Variants in KIF13A observed in about 807,000 individuals in gnomAD.
KIF13A encodes the protein kinesin-like protein KIF13A.
Under a neutral mutation model 212.2 loss-of-function variants are expected in KIF13A, and 79 were observed. That is an observed-to-expected ratio of 0.37 (90% CI 0.31 to 0.45). The LOEUF (loss-of-function observed/expected upper bound fraction) is 0.45, where lower values mean the gene tolerates loss of function less well. Ranked by LOEUF, KIF13A falls within the 20% of genes least tolerant of loss-of-function variation. KIF13A has a pLI of 1.00. For missense variants in KIF13A, 1,901 were observed against 2,209.0 expected (o/e 0.86, Z 2.79); for synonymous variants, 789 against 808.6 (o/e 0.98, Z 0.41).
Position 17,776,364 on chromosome 6 carries a change from ACAAACACTGATCTATGTATCATTT to A in KIF13A, c.4170+889_4170+912del, listed in dbSNP as rs1461772660. Among the ~76,000 whole-genome samples the A allele has an allele frequency of 6.6e-6, 1 of 152,222 alleles. No individual in the cohort carries two copies. Among genetic ancestry groups the A allele is most frequent in the Non-Finnish European group, 1.5e-5 (1 of 68,032 alleles). On this transcript the variant is annotated intron_variant, in intron 34 of 38. Coordinates refer to ENST00000259711, the MANE Select transcript of KIF13A (RefSeq NM_022113.6). This position sits in a 1 kb window ranked among gnomAD's most constrained non-coding sequence, Gnocchi z 4.6. ...CTAGGTACCACTTTAGCTGCATTGC[ACAAACACTGATCTATGTATCATTT>A]TTATTCTCATTTAGTTCTAAATACA...
At position 17,786,417 on chromosome 6, in the gene KIF13A, G is replaced by C. The variant is rs555228580; in HGVS notation, c.3362-776C>G. ...AGTTCAAAACCAGCCTGACCAATAT[G>C]GTAAAACCCTGTCTCCACTAAAAAT... On this transcript the variant is annotated intron_variant, in intron 27 of 38. Coordinates refer to ENST00000259711, the MANE Select transcript of KIF13A (RefSeq NM_022113.6). This position sits in a 1 kb window ranked among gnomAD's most constrained non-coding sequence, Gnocchi z 5.4. Among the ~76,000 whole-genome samples the C allele has an allele frequency of 2.8e-4, 42 of 152,106 alleles. No individual in the cohort carries two copies. Among genetic ancestry groups the C allele is most frequent in the African/African-American group, 8.4e-4 (35 of 41,500 alleles).
chr6:17,971,470 G>A lies in KIF13A; in HGVS notation c.146+15584C>T, dbSNP rs543964910. Among the ~76,000 whole-genome samples, 1 of 152,066 alleles carries A rather than the reference G, an allele frequency of 6.6e-6. No individual in the cohort carries two copies. Among genetic ancestry groups the A allele is most frequent in the East Asian group, 1.9e-4 (1 of 5,182 alleles). On this transcript the variant is annotated intron_variant, in intron 2 of 38. Coordinates refer to ENST00000259711, the MANE Select transcript of KIF13A (RefSeq NM_022113.6). This position sits in a 1 kb window ranked among gnomAD's most constrained non-coding sequence, Gnocchi z 4.2. ...AGGGTCTCACTCTGTCGCCCAGGCT[G>A]GAGTGCAGTGGTGTAATCATGGCTC...
At chr6:17,909,009 T>C (rs185203793) in intron 2 of KIF13A, among the ~76,000 whole-genome samples, 165 of 152,330 alleles carry the variant, frequency 1.1e-3, no homozygotes, top group Admixed American at 2.0e-3. Context: ...AGCACTCCTT[T>C]AGCACTGTTG....
At position 17,900,795 on chromosome 6, in the gene KIF13A, G is replaced by C. The variant is rs1239340827; in HGVS notation, c.147-2615C>G. On this transcript the variant is annotated intron_variant, in intron 2 of 38. Transcript: ENST00000259711. The surrounding 1 kb of genome is among the most constrained non-coding windows in gnomAD (Gnocchi z 4.6). ...CGAACAAAACTGAGAGCTCAGTCCA[G>C]GGGCCAGGCACAGTGGCTCACACCT... Among the ~76,000 whole-genome samples, 1 of 152,074 alleles carries C rather than the reference G, an allele frequency of 6.6e-6. No homozygotes were observed. The highest frequency in any genetic ancestry group is 1.5e-5 in the Non-Finnish European group (1 of 68,008).
intron 2 of KIF13A, among the ~76,000 whole-genome samples, chr6:17,905,272 CAAGTATT>C (rs1773397095): frequency 6.6e-6 from 1 of 152,186 alleles, no homozygotes; most frequent in African/African-American, 2.4e-5. Flanking sequence ...TCCTAATCAG[CAAGTATT>C]TATTGAGTAC....
rs1307049245 is a variant in KIF13A, at chr6:17,941,213, T to A, written c.147-43033A>T. Among the ~76,000 whole-genome samples the A allele has an allele frequency of 2.0e-5, 3 of 152,196 alleles. No homozygotes were observed. The East Asian group carries it at 5.8e-4, about 29-fold the overall frequency. On this transcript the variant is annotated intron_variant, in intron 2 of 38. Transcript: ENST00000259711. ...CTGCTACCCAAATATATTACCCTCC[T>A]AAAACCCACTAAGAAGCTGCTGTCA...
At chr6:17,846,746 C>T (rs1767107900) in intron 9 of KIF13A, among the ~76,000 whole-genome samples, 1 of 152,020 alleles carries the variant, frequency 6.6e-6, no homozygotes, top group African/African-American at 2.4e-5. Flanking sequence ...TGGGGTAATC[C>T]AGTAAGGGAC....
intron 18 of KIF13A, among the ~76,000 whole-genome samples, chr6:17,808,473 A>C (rs916117747): frequency 6.6e-6 from 1 of 152,000 alleles, no homozygotes; most frequent in African/African-American, 2.4e-5. Flanking sequence ...ATTTACATGC[A>C]AAAAAAAGCA....
rs1024528832 is a variant in KIF13A at position 17,968,912 on chromosome 6, C to T, written c.146+18142G>A. 6.6e-6 allele frequency among the ~76,000 whole-genome samples: 1 copy of T among 152,210 alleles called. No individual in the cohort carries two copies. The highest frequency in any genetic ancestry group is 1.5e-5 in the Non-Finnish European group (1 of 68,038). Reference sequence around the variant, plus strand: ...AGACACAACCTGAGGACTTTCTACCCACAGACTCATCTACCTAGGCACAGC... The same window carrying T: ...AGACACAACCTGAGGACTTTCTACCTACAGACTCATCTACCTAGGCACAGC... On this transcript the variant is annotated intron_variant, in intron 2 of 38. Coordinates refer to ENST00000259711, the MANE Select transcript of KIF13A (RefSeq NM_022113.6). This position sits in a 1 kb window ranked among gnomAD's most constrained non-coding sequence, Gnocchi z 4.7.
intron 4 of KIF13A, among the ~76,000 whole-genome samples, chr6:17,864,945 C>A (rs913713290): frequency 9.2e-5 from 14 of 152,050 alleles, no homozygotes; most frequent in African/African-American, 3.4e-4. Context: ...AAGAAAGAAA[C>A]CAGGGATGGA....
At chr6:17,937,893 C>G (rs1036014257) in intron 2 of KIF13A, among the ~76,000 whole-genome samples, 1 of 152,108 alleles carries the variant, frequency 6.6e-6, no homozygotes, top group African/African-American at 2.4e-5. Context: ...GGGCCACAGG[C>G]GTGCAACACC....
chr6:17,810,617 A>G (rs1227712398), intron 17 of KIF13A, among the ~76,000 whole-genome samples: 1 of 152,210 alleles, frequency 6.6e-6, no homozygotes, highest in African/African-American at 2.4e-5. Context: ...TGTAATAGAC[A>G]ATGAAATAAT....
intron 2 of KIF13A, among the ~76,000 whole-genome samples, chr6:17,973,167 C>A (rs1242890445): frequency 6.6e-6 from 1 of 152,242 alleles, no homozygotes; most frequent in Non-Finnish European, 1.5e-5. Context: ...AATGTCATTT[C>A]TCCACTCCCA....
Position 17,796,636 on chromosome 6 carries a change from C to T in KIF13A, c.2942+33G>A, listed in dbSNP as rs1293267166. ...GACTCTGCTCAAGTCCTAGTCTTAA[C>T]CTTGTACCTAAAGCTCACAGCCAAG... On this transcript the variant is annotated intron_variant, in intron 23 of 38. Coordinates refer to ENST00000259711, the MANE Select transcript of KIF13A (RefSeq NM_022113.6). The T allele has an allele frequency of 3.5e-6, 5 of 1,415,160 alleles. 1 individual carries two copies. Among genetic ancestry groups the T allele is most frequent in the African/African-American group, 2.9e-5 (2 of 68,308 alleles). 87.7% of individuals were successfully genotyped at this position (1,415,160 alleles called of 1,614,324 possible).
At chr6:17,833,930 C>T (rs1279617817) in intron 12 of KIF13A, 31 bp downstream of exon 12, 1 of 1,157,030 alleles carries the variant, frequency 8.6e-7, no homozygotes, top group Non-Finnish European at 1.2e-6. Flanking sequence ...AAAAAGAATC[C>T]CAATATTTTA....
intron 2 of KIF13A, among the ~76,000 whole-genome samples, chr6:17,945,830 A>G (rs1172251423): frequency 2.0e-5 from 3 of 152,188 alleles, no homozygotes; most frequent in African/African-American, 7.2e-5. Flanking sequence ...CCTCAGAGAC[A>G]GACAAACAGA....
rs1781332842 is a variant in KIF13A, at chr6:17,984,021, C to A, written c.146+3033G>T. ...CACAGCCCCTCCTCAATGCTCCCATCACATTTGCTAAGCCCTTGCTAAGTG... is the reference window on the plus strand; with the variant it reads ...CACAGCCCCTCCTCAATGCTCCCATAACATTTGCTAAGCCCTTGCTAAGTG... On this transcript the variant is annotated intron_variant, in intron 2 of 38. Coordinates refer to ENST00000259711, the MANE Select transcript of KIF13A (RefSeq NM_022113.6). The surrounding 1 kb of genome is among the most constrained non-coding windows in gnomAD (Gnocchi z 5.0). Among the ~76,000 whole-genome samples the A allele has an allele frequency of 6.6e-6, 1 of 151,952 alleles. No individual in the cohort carries two copies. Among genetic ancestry groups the A allele is most frequent in the Non-Finnish European group, 1.5e-5 (1 of 68,016 alleles).
rs1776872040 is a variant in KIF13A at position 17,940,605 on chromosome 6, AAG to A, written c.147-42427_147-42426del. ...CCCTGTTCCCCTTACCAGACCAGTG[AAG>A]AGTTTTCAGGAAGAGACCTCACAGG... On this transcript the variant is annotated intron_variant, in intron 2 of 38. Transcript: ENST00000259711. 2.6e-5 allele frequency among the ~76,000 whole-genome samples: 4 copies of A among 152,166 alleles called. No individual in the cohort carries two copies. In the South Asian group the frequency reaches 8.3e-4, roughly 31 times the overall value.
rs1765239986 is a variant in KIF13A, at chr6:17,829,396, T to C, written c.1402-1026A>G. On this transcript the variant is annotated intron_variant, in intron 13 of 38. Coordinates refer to ENST00000259711, the MANE Select transcript of KIF13A (RefSeq NM_022113.6). This position sits in a 1 kb window ranked among gnomAD's most constrained non-coding sequence, Gnocchi z 5.4. ...GTTCGTGTTTATATTAAAGTAGTTT[T>C]GACCTCACAGGCCTCATGAAAGGTT... is the stretch of plus-strand genomic sequence containing the variant. Among the ~76,000 whole-genome samples, 1 of 152,214 alleles carries C rather than the reference T, an allele frequency of 6.6e-6. No individual in the cohort carries two copies. Among genetic ancestry groups the C allele is most frequent in the Non-Finnish European group, 1.5e-5 (1 of 68,040 alleles).
Sources: allele counts gnomAD v4.1 joint callset (sites outside exome capture counted in the v4.1 genomes callset), GRCh38; gene constraint gnomAD v4.1.1; non-coding constraint Gnocchi (gnomAD v3.1); transcripts MANE v1.5; gene names NCBI Gene and HGNC (gene_info 2026-07-23, HGNC 2026-07-21).